SGCZ: variants seen among roughly 807,000 people sequenced by gnomAD.
The protein encoded by SGCZ is zeta-sarcoglycan.
A neutral mutation model predicts 41.3 loss-of-function variants in SGCZ; 40 were observed. That is an observed-to-expected ratio of 0.97 (90% CI 0.75 to 1.26). The LOEUF is 1.26. Ranked by LOEUF, SGCZ falls within the 50% of genes most tolerant of loss-of-function variation. The probability of loss-of-function intolerance (pLI) is 0.00; values close to 1 mark genes in which losing one functional copy is unlikely to be tolerated. For missense variants in SGCZ, 552 were observed against 369.8 expected, an observed-to-expected ratio of 1.49 and a Z score of -4.04; for synonymous variants, 206 against 137.5, an observed-to-expected ratio of 1.50 and a Z score of -3.49.
chr8:14,614,945 T>G (rs1806048921), intron 1 of SGCZ, among the ~76,000 whole-genome samples: 1 of 152,250 alleles, frequency 6.6e-6, no homozygotes, highest in East Asian at 1.9e-4. Flanking sequence ...TATATAGTGA[T>G]AAATACATAT....
chr8:14,507,005 C>A (rs1163606999), intron 2 of SGCZ, among the ~76,000 whole-genome samples: 1 of 152,168 alleles, frequency 6.6e-6, no homozygotes, highest in Admixed American at 6.6e-5. Context: ...TAAATACCAT[C>A]TCTATGCTAA....
chr8:15,185,324 G>C (rs1273455101), intron 1 of SGCZ, among the ~76,000 whole-genome samples: 2 of 152,178 alleles, frequency 1.3e-5, no homozygotes, highest in Non-Finnish European at 2.9e-5. Flanking sequence ...AGAAATGTAT[G>C]AGAATTAAAA....
chr8:14,529,951 A>G (rs142062656), intron 2 of SGCZ, among the ~76,000 whole-genome samples: 7 of 152,250 alleles, frequency 4.6e-5, no homozygotes, highest in African/African-American at 1.7e-4. Flanking sequence ...TTAAAGAAAA[A>G]TTACTTTATA....
intron 1 of SGCZ, among the ~76,000 whole-genome samples, chr8:14,789,205 C>T (rs972561548): frequency 6.6e-6 from 1 of 151,938 alleles, no homozygotes; most frequent in South Asian, 2.1e-4. Flanking sequence ...AGTCATCCAC[C>T]AGGAGCACAA....
intron 1 of SGCZ, among the ~76,000 whole-genome samples, chr8:15,167,093 T>A (rs1799688097): frequency 6.6e-6 from 1 of 152,190 alleles, no homozygotes; most frequent in African/African-American, 2.4e-5. Flanking sequence ...TATACCCCCG[T>A]GATCAAAATT....
intron 1 of SGCZ, among the ~76,000 whole-genome samples, chr8:14,892,418 T>G (rs1805048777): frequency 6.6e-6 from 1 of 152,186 alleles, no homozygotes; most frequent in African/African-American, 2.4e-5. Context: ...CTCTGTGAGA[T>G]ACGACTGTGA....
At chr8:14,278,207 C>G (rs1297724481) in intron 3 of SGCZ, among the ~76,000 whole-genome samples, 1 of 152,150 alleles carries the variant, frequency 6.6e-6, no homozygotes, top group Non-Finnish European at 1.5e-5. Context: ...CCACATATCG[C>G]CCCTCCTCCG....
chr8:14,421,782 G>T (rs1387012437), intron 2 of SGCZ, among the ~76,000 whole-genome samples: 2 of 151,960 alleles, frequency 1.3e-5, no homozygotes, highest in Non-Finnish European at 2.9e-5. Flanking sequence ...AATAGGGCTT[G>T]ATATATACTA....
Position 15,039,944 on chromosome 8 carries a change from A to G in SGCZ, c.39+197641T>C, listed in dbSNP as rs533277719. Among the ~76,000 whole-genome samples the G allele has an allele frequency of 2.0e-5, 3 of 152,332 alleles. No homozygotes were observed. The South Asian group carries it at 6.2e-4, about 32-fold the overall frequency. On this transcript the variant is annotated intron_variant, in intron 1 of 7. Coordinates refer to ENST00000382080, the MANE Select transcript of SGCZ (RefSeq NM_139167.4). ...GTTTGGCACACTACTGACTTAAAGT[A>G]GCAGGGAATTTATTATAACTTATGC... is the stretch of plus-strand genomic sequence containing the variant.
chr8:14,946,653 G>T (rs555243509), intron 1 of SGCZ, among the ~76,000 whole-genome samples: 52 of 140,878 alleles, frequency 3.7e-4, no homozygotes, highest in Non-Finnish European at 6.8e-4. Flanking sequence ...ACTCAAACCA[G>T]AGAAGTTTGT....
intron 1 of SGCZ, among the ~76,000 whole-genome samples, chr8:14,670,264 G>T (rs542231166): frequency 1.8e-4 from 27 of 152,190 alleles, no homozygotes; most frequent in African/African-American, 5.8e-4. Flanking sequence ...ATCCACTATG[G>T]TTGGTGATAT....
chr8:15,083,776 T>C (rs1805847272), intron 1 of SGCZ, among the ~76,000 whole-genome samples: 1 of 152,098 alleles, frequency 6.6e-6, no homozygotes, highest in African/African-American at 2.4e-5. Context: ...TTGTTTTGTT[T>C]TGAGATGGGG....
At chr8:14,784,493 A>T (rs1310422170) in intron 1 of SGCZ, among the ~76,000 whole-genome samples, 1 of 152,150 alleles carries the variant, frequency 6.6e-6, no homozygotes, top group Non-Finnish European at 1.5e-5. Context: ...TGGATCAGCT[A>T]TAACTCATAA....
At chr8:14,438,510 A>C (rs993108729) in intron 2 of SGCZ, among the ~76,000 whole-genome samples, 2 of 152,000 alleles carry the variant, frequency 1.3e-5, no homozygotes, top group African/African-American at 4.8e-5. Flanking sequence ...ATTCAATTCT[A>C]TTCTAGACTT....
intron 1 of SGCZ, among the ~76,000 whole-genome samples, chr8:14,838,674 A>G (rs1802789598): frequency 6.6e-6 from 1 of 152,122 alleles, no homozygotes; most frequent in Non-Finnish European, 1.5e-5. Flanking sequence ...TGCTACCTGG[A>G]CCAAAACTGG....
intron 1 of SGCZ, among the ~76,000 whole-genome samples, chr8:14,997,846 GA>G (rs1274863616): frequency 6.6e-6 from 1 of 152,112 alleles, no homozygotes; most frequent in African/African-American, 2.4e-5. Flanking sequence ...TGTAATCCCA[GA>G]TACTCAGGAG....
intron 1 of SGCZ, among the ~76,000 whole-genome samples, chr8:15,079,703 G>C (rs796119984): frequency 3.9e-5 from 6 of 152,226 alleles, no homozygotes; most frequent in African/African-American, 9.6e-5. Context: ...ATTCTATTCA[G>C]AGATTCCAAC....
chr8:14,677,998 A>G (rs1808329665), intron 1 of SGCZ, among the ~76,000 whole-genome samples: 1 of 152,164 alleles, frequency 6.6e-6, no homozygotes, highest in Non-Finnish European at 1.5e-5. Flanking sequence ...AACAGACAAA[A>G]CAATTAATTT....
intron 2 of SGCZ, among the ~76,000 whole-genome samples, chr8:14,441,160 T>G (rs1800249611): frequency 6.6e-6 from 1 of 152,198 alleles, no homozygotes; most frequent in Non-Finnish European, 1.5e-5. Flanking sequence ...AAATTTACAA[T>G]CAGTTTTTAT....
Sources: gnomAD v4.1 joint callset for allele counts (sites outside exome capture counted in the v4.1 genomes callset) on GRCh38, gnomAD v4.1.1 for gene constraint, MANE v1.5 for transcripts, NCBI Gene and HGNC (gene_info 2026-07-23, HGNC 2026-07-21) for gene names.